ROBO2: variants seen among roughly 807,000 people sequenced by gnomAD.
ROBO2 encodes roundabout homolog 2.
In ROBO2, 53 loss-of-function variants were observed where a neutral mutation model predicts 160.8. The ratio of observed to expected loss-of-function variants is 0.33; its 90% CI spans 0.26 to 0.41. The LOEUF (loss-of-function observed/expected upper bound fraction) is 0.41, where lower values mean the gene tolerates loss of function less well. Ranked by LOEUF, ROBO2 falls within the 10% of genes least tolerant of loss-of-function variation. The pLI, the probability that ROBO2 is intolerant of heterozygous loss-of-function variation, is 1.00. For missense variants in ROBO2, 1,577 were observed against 1,722.4 expected, an observed-to-expected ratio of 0.92 and a Z score of 1.49; for synonymous variants, 664 against 611.7, an observed-to-expected ratio of 1.09 and a Z score of -1.26.
At chr3:77,486,526 AC>A (rs1250771735) in intron 4 of ROBO2, among the ~76,000 whole-genome samples, 4 of 108,862 alleles carry the variant, frequency 3.7e-5, no homozygotes, top group Non-Finnish European at 8.3e-5. Flanking sequence ...GTGATGTTGA[AC>A]TTTTTTTCAT....
chr3:76,171,140 TACA>T (rs2073023505), intron 2 of ROBO2, among the ~76,000 whole-genome samples: 1 of 152,140 alleles, frequency 6.6e-6, no homozygotes, highest in Non-Finnish European at 1.5e-5. Flanking sequence ...TTTAGATTAT[TACA>T]GACACTTGCC....
intron 8 of ROBO2, among the ~76,000 whole-genome samples, chr3:77,554,159 G>A (rs2153655823): frequency 6.6e-6 from 1 of 151,902 alleles, no homozygotes; most frequent in South Asian, 2.1e-4. Context: ...CTCTGCCTGT[G>A]CTCTGTAAAT....
chr3:76,620,995 G>A (rs1176411833), intron 2 of ROBO2, among the ~76,000 whole-genome samples: 1 of 152,148 alleles, frequency 6.6e-6, no homozygotes, highest in Non-Finnish European at 1.5e-5. Context: ...AGTCACTTAT[G>A]TGCACGGCTG....
Position 76,892,771 on chromosome 3 carries a change from A to G in ROBO2, c.110-205243A>G, listed in dbSNP as rs80116171. On this transcript the variant is annotated intron_variant, in intron 2 of 26. Transcript: ENST00000487694. ...CCAATGATCTCCAATAGAAACAAGA[A>G]CTCTCACTTCTCTAGCCAATTCACT... 9.7e-3 allele frequency among the ~76,000 whole-genome samples: 1,473 copies of G among 152,188 alleles called. 13 individuals are homozygous for G. The highest frequency in any genetic ancestry group is 0.02 in the Middle Eastern group (6 of 294).
intron 2 of ROBO2, among the ~76,000 whole-genome samples, chr3:76,948,872 TTTTATATATATATA>T (rs1292329483): frequency 7.9e-5 from 3 of 37,898 alleles, no homozygotes; most frequent in African/African-American, 3.7e-4. Context: ...ACCCGGCTAA[TTTTATATATATATA>T]TATATATATA....
chr3:76,678,124 C>T (rs1389320928), intron 2 of ROBO2, among the ~76,000 whole-genome samples: 1 of 151,606 alleles, frequency 6.6e-6, no homozygotes, highest in African/African-American at 2.4e-5. Flanking sequence ...GCACACACCA[C>T]CACGCCCGGC....
At chr3:77,042,816 A>T (rs2064229804) in intron 1 of ROBO2, among the ~76,000 whole-genome samples, 1 of 152,062 alleles carries the variant, frequency 6.6e-6, no homozygotes, top group Non-Finnish European at 1.5e-5. Flanking sequence ...TTCTGATTTA[A>T]CATTGTAGGA....
At chr3:76,634,946 G>T (rs2109538126) in intron 2 of ROBO2, among the ~76,000 whole-genome samples, 1 of 152,318 alleles carries the variant, frequency 6.6e-6, no homozygotes, top group East Asian at 1.9e-4. Flanking sequence ...GCATGCAAGG[G>T]ATCTAGGTTG....
chr3:76,095,504 A>G (rs780171065), intron 2 of ROBO2, among the ~76,000 whole-genome samples: 5 of 152,176 alleles, frequency 3.3e-5, no homozygotes, highest in Non-Finnish European at 2.9e-5. Context: ...TATAAATAAC[A>G]TTATATCAAT....
chr3:77,290,154 G>A (rs1412191388), intron 2 of ROBO2, among the ~76,000 whole-genome samples: 1 of 151,612 alleles, frequency 6.6e-6, no homozygotes, highest in African/African-American at 2.4e-5. Context: ...AAACGGGTAA[G>A]CTGAGGCTAG....
intron 2 of ROBO2, among the ~76,000 whole-genome samples, chr3:76,162,905 T>G (rs2106932816): frequency 6.6e-6 from 1 of 152,274 alleles, no homozygotes; most frequent in African/African-American, 2.4e-5. Flanking sequence ...TATTTTAATT[T>G]TTTGTTTTTA....
chr3:76,181,791 C>CT (rs1701515904), intron 2 of ROBO2, among the ~76,000 whole-genome samples: 1 of 148,756 alleles, frequency 6.7e-6, no homozygotes, highest in South Asian at 2.1e-4. Flanking sequence ...CTTTTATGTC[C>CT]TAAAAAAAAA....
intron 2 of ROBO2, among the ~76,000 whole-genome samples, chr3:76,782,821 A>T (rs1017749672): frequency 8.6e-5 from 13 of 150,622 alleles, no homozygotes; most frequent in African/African-American, 3.2e-4. Flanking sequence ...TCCTTTAGTC[A>T]CTATATATTT....
intron 21 of ROBO2, among the ~76,000 whole-genome samples, chr3:77,611,566 C>A (rs2153698760): frequency 6.6e-6 from 1 of 152,048 alleles, no homozygotes; most frequent in Admixed American, 6.5e-5. Flanking sequence ...GGAGATATAC[C>A]CAGCTAATGG....
At chr3:75,973,507 C>A (rs2065050660) in intron 2 of ROBO2, among the ~76,000 whole-genome samples, 4 of 151,430 alleles carry the variant, frequency 2.6e-5, no homozygotes, top group African/African-American at 9.7e-5. Flanking sequence ...ATGGAAGGAG[C>A]AAGAGGGAGA....
At chr3:77,423,413 A>G (rs1364635966) in intron 2 of ROBO2, among the ~76,000 whole-genome samples, 1 of 152,212 alleles carries the variant, frequency 6.6e-6, no homozygotes, top group Non-Finnish European at 1.5e-5. Context: ...CTGTAAGTAA[A>G]CATTTAAAAT....
intron 13 of ROBO2, among the ~76,000 whole-genome samples, chr3:77,572,258 A>G (rs914174269): frequency 2.0e-5 from 3 of 152,050 alleles, no homozygotes; most frequent in African/African-American, 7.2e-5. Flanking sequence ...AAGTTTATAA[A>G]ATGCAAACTT....
intron 1 of ROBO2, among the ~76,000 whole-genome samples, chr3:77,094,917 TTA>T (rs1443654025): frequency 6.6e-6 from 1 of 152,190 alleles, no homozygotes; most frequent in Admixed American, 6.5e-5. Context: ...TATGAGTTCT[TTA>T]TATATTCTAG....
intron 2 of ROBO2, among the ~76,000 whole-genome samples, chr3:77,399,539 A>G (rs76916713): frequency 0.043 from 6,503 of 152,248 alleles, 474 homozygotes; most frequent in African/African-American, 0.15. Context: ...GCCTCAATCT[A>G]AGCAAATTCT....
Sources: gnomAD v4.1 joint callset for allele counts (sites outside exome capture counted in the v4.1 genomes callset) on GRCh38, gnomAD v4.1.1 for gene constraint, MANE v1.5 for transcripts, NCBI Gene and HGNC (gene_info 2026-07-23, HGNC 2026-07-21) for gene names.